ZDHHC2: variants seen among roughly 807,000 people sequenced by gnomAD.
The protein encoded by ZDHHC2 is zDHHC palmitoyltransferase 2.
ZDHHC2 carries 51 observed loss-of-function variants against 55.6 expected under a neutral mutation model. That is an observed-to-expected ratio of 0.92 (90% CI 0.73 to 1.16). The LOEUF (loss-of-function observed/expected upper bound fraction) is 1.16, where lower values mean the gene tolerates loss of function less well. Ranked by LOEUF, ZDHHC2 falls within the 50% of genes most tolerant of loss-of-function variation. The pLI, the probability that ZDHHC2 is intolerant of heterozygous loss-of-function variation, is 0.00. For missense variants in ZDHHC2, 491 were observed against 442.4 expected, an observed-to-expected ratio of 1.11 and a Z score of -0.99; for synonymous variants, 199 against 152.9, an observed-to-expected ratio of 1.30 and a Z score of -2.22.
Position 17,223,166 on chromosome 8 carries a change from G to C in ZDHHC2, c.*2945G>C, listed in dbSNP as rs1218886458. ...TTTTGAAATGCATGTAAACGGGCTC[G>C]GCTGATTCTGAAATTGTACTGTATC... On this transcript the variant is annotated 3_prime_UTR_variant, in exon 13 of 13. Transcript: ENST00000262096. 2 of 151,746 alleles carry C rather than the reference G, an allele frequency of 1.3e-5. No individual in the cohort carries two copies. Among genetic ancestry groups the C allele is most frequent in the African/African-American group, 4.8e-5 (2 of 41,396 alleles). 9.4% of individuals were successfully genotyped at this position (151,746 alleles called of 1,614,324 possible).
chr8:17,210,415 T>C lies in ZDHHC2; in HGVS notation c.885T>C (p.Thr295=). ...TAGGTGATGGCTGCTCCTTTCCAAC[T>C]TGCCTTGTTAACCAGGATCCTGAAC... The part of the protein sequence containing the change: ...SSLGDGCSFP[T]CLVNQDPEQA... Residue 295 remains threonine (T), a synonymous_variant, in exon 10 of 13, where the codon ACT becomes ACC. Transcript: ENST00000262096. 1 of 1,613,536 alleles carries C rather than the reference T, an allele frequency of 6.2e-7. No homozygotes were observed. The highest frequency in any genetic ancestry group is 1.1e-5 in the South Asian group (1 of 91,018).
chr8:17,180,396 T>C (rs532595256), intron 1 of ZDHHC2, among the ~76,000 whole-genome samples: 2 of 152,330 alleles, frequency 1.3e-5, no homozygotes, highest in East Asian at 3.9e-4. Flanking sequence ...CAGATTTACA[T>C]TATTTTTCAC....
At chr8:17,204,133 G>T (rs1806971115) in intron 6 of ZDHHC2, among the ~76,000 whole-genome samples, 1 of 152,146 alleles carries the variant, frequency 6.6e-6, no homozygotes, top group Non-Finnish European at 1.5e-5. Context: ...TAAATTATTT[G>T]CCCATATGTA....
chr8:17,195,085 G>GTT (rs1316845024), intron 3 of ZDHHC2, among the ~76,000 whole-genome samples: 1 of 152,096 alleles, frequency 6.6e-6, no homozygotes, highest in Non-Finnish European at 1.5e-5. Flanking sequence ...ACTCACTTAG[G>GTT]TAAGAAGATA....
At chr8:17,219,849 T>C (rs1807833831) in intron 12 of ZDHHC2, among the ~76,000 whole-genome samples, 1 of 152,156 alleles carries the variant, frequency 6.6e-6, no homozygotes, top group South Asian at 2.1e-4. Context: ...TTTCCCTAAA[T>C]GTCCTTCCTG....
chr8:17,206,149 TG>T (rs1807093265), intron 7 of ZDHHC2, among the ~76,000 whole-genome samples: 1 of 152,184 alleles, frequency 6.6e-6, no homozygotes, highest in Admixed American at 6.5e-5. Flanking sequence ...TTGTGCTTTT[TG>T]TTGGTGATTT....
At chr8:17,208,209 A>G in intron 8 of ZDHHC2, 117 bp downstream of exon 8, 2 of 1,038,002 alleles carry the variant, frequency 1.9e-6, no homozygotes. Flanking sequence ...AGTCATTCTT[A>G]TTTTCCTCAT....
intron 1 of ZDHHC2, among the ~76,000 whole-genome samples, chr8:17,176,992 TA>T (rs1805169429): frequency 2.0e-5 from 3 of 152,154 alleles, no homozygotes. Context: ...TGCATGTCAT[TA>T]AATAAGGTCT....
chr8:17,174,478 G>A (rs2150892952), intron 1 of ZDHHC2, among the ~76,000 whole-genome samples: 1 of 152,240 alleles, frequency 6.6e-6, no homozygotes, highest in African/African-American at 2.4e-5. Flanking sequence ...TGCTGGAAGG[G>A]AGATATGTTT....
At chr8:17,211,820 G>T (rs1807397130) in intron 10 of ZDHHC2, among the ~76,000 whole-genome samples, 1 of 151,782 alleles carries the variant, frequency 6.6e-6, no homozygotes, top group Non-Finnish European at 1.5e-5. Context: ...TTGTGCATTT[G>T]GGCTTGAAAA....
intron 7 of ZDHHC2, among the ~76,000 whole-genome samples, chr8:17,206,033 C>T (rs1807087250): frequency 6.6e-6 from 1 of 152,210 alleles, no homozygotes; most frequent in African/African-American, 2.4e-5. Flanking sequence ...TGCCCATTCC[C>T]AGTTGAGGTT....
chr8:17,162,948 G>A (rs996568698), intron 1 of ZDHHC2: 1 of 152,232 alleles, frequency 6.6e-6, no homozygotes, highest in Admixed American at 6.5e-5. Context: ...TTTAGTGGTT[G>A]ACATAGTCTC....
intron 11 of ZDHHC2, among the ~76,000 whole-genome samples, chr8:17,216,720 A>C (rs1415334463): frequency 6.6e-6 from 1 of 152,124 alleles, no homozygotes; most frequent in Non-Finnish European, 1.5e-5. Flanking sequence ...TGTTCGATTA[A>C]TTTTTTTGTT....
chr8:17,198,343 A>C (rs775688890), intron 5 of ZDHHC2, 38 bp from the exon 6 acceptor site: 6 of 1,553,188 alleles, frequency 3.9e-6, no homozygotes, highest in South Asian at 3.8e-5. Flanking sequence ...TTAAAATTTC[A>C]TGGGGTATTA....
intron 3 of ZDHHC2, among the ~76,000 whole-genome samples, chr8:17,188,289 A>G (rs1312874697): frequency 6.6e-6 from 1 of 152,056 alleles, no homozygotes; most frequent in Non-Finnish European, 1.5e-5. Flanking sequence ...CCTAAAAACC[A>G]ATGTAACGCC....
rs184099909 is a variant in ZDHHC2, at chr8:17,194,759, A to G, written c.253-745A>G. Among the ~76,000 whole-genome samples, 39 of 152,266 alleles carry G rather than the reference A, an allele frequency of 2.6e-4. 1 individual carries two copies. The highest frequency in any genetic ancestry group is 6.2e-4 in the South Asian group (3 of 4,826). On this transcript the variant is annotated intron_variant, in intron 3 of 12. Transcript: ENST00000262096. ...TACTATTCCATTATTTGGATATATC[A>G]TACTCCAATTTATCCATCATCCTTT...
intron 1 of ZDHHC2, among the ~76,000 whole-genome samples, chr8:17,168,246 T>C (rs1804698031): frequency 6.6e-6 from 1 of 152,158 alleles, no homozygotes; most frequent in Non-Finnish European, 1.5e-5. Flanking sequence ...CTGGGGAAAC[T>C]TGTGAATGAG....
chr8:17,165,404 T>G (rs1804554309), intron 1 of ZDHHC2, among the ~76,000 whole-genome samples: 1 of 152,176 alleles, frequency 6.6e-6, no homozygotes. Context: ...AGGTCTTAAT[T>G]GTAGCATATT....
At chr8:17,191,397 T>G (rs1483805413) in intron 3 of ZDHHC2, among the ~76,000 whole-genome samples, 3 of 152,192 alleles carry the variant, frequency 2.0e-5, no homozygotes, top group South Asian at 4.1e-4. Context: ...GCGCCCAGCC[T>G]TATTCATTCT....
Sources: allele counts gnomAD v4.1 joint callset (sites outside exome capture counted in the v4.1 genomes callset), GRCh38; gene constraint gnomAD v4.1.1; transcripts MANE v1.5; gene names NCBI Gene and HGNC (gene_info 2026-07-23, HGNC 2026-07-21).